TIAM2: variants seen among roughly 807,000 people sequenced by gnomAD.
TIAM2 encodes the protein rho guanine nucleotide exchange factor TIAM2.
A neutral mutation model predicts 152.9 loss-of-function variants in TIAM2; 80 were observed. The ratio of observed to expected loss-of-function variants is 0.52; its 90% CI spans 0.44 to 0.63. The LOEUF (loss-of-function observed/expected upper bound fraction) is 0.63. Ranked by LOEUF, TIAM2 falls within the 30% of genes least tolerant of loss-of-function variation. The probability of loss-of-function intolerance (pLI) is 0.00; values close to 1 mark genes in which losing one functional copy is unlikely to be tolerated. For synonymous variants in TIAM2, 804 were observed against 838.0 expected, an observed-to-expected ratio of 0.96 and a Z score of 0.70; for missense variants, 1,965 against 2,120.1, an observed-to-expected ratio of 0.93 and a Z score of 1.44.
chr6:155,149,946 G>T (rs1298927777), intron 7 of TIAM2, among the ~76,000 whole-genome samples: 1 of 151,356 alleles, frequency 6.6e-6, no homozygotes, highest in Non-Finnish European at 1.5e-5. Flanking sequence ...TTCAGCATGA[G>T]TAGGAAAAAA....
At chr6:155,028,830 T>A (rs1322807210) in intron 1 of TIAM2, among the ~76,000 whole-genome samples, 1 of 128,130 alleles carries the variant, frequency 7.8e-6, no homozygotes, top group South Asian at 2.3e-4. Flanking sequence ...TATACTGTGT[T>A]ATATATATAC....
At chr6:155,009,940 C>T (rs1459693409) in intron 1 of TIAM2, among the ~76,000 whole-genome samples, 4 of 152,198 alleles carry the variant, frequency 2.6e-5, no homozygotes, top group South Asian at 2.1e-4. Context: ...GCAACCTCCA[C>T]CTCCTGGGTT....
chr6:155,022,461 TG>T (rs1295387468), intron 1 of TIAM2: 2 of 152,122 alleles, frequency 1.3e-5, no homozygotes, highest in African/African-American at 4.8e-5. Context: ...CACCATGCCC[TG>T]CTAATTTTTT....
At chr6:155,191,669 G>A (rs992635072) in intron 14 of TIAM2, among the ~76,000 whole-genome samples, 2 of 152,052 alleles carry the variant, frequency 1.3e-5, no homozygotes, top group Non-Finnish European at 1.5e-5. Flanking sequence ...GCGCACACCT[G>A]TAGTTCAAGC....
chr6:155,215,741 T>G (rs920558556), intron 15 of TIAM2, among the ~76,000 whole-genome samples: 3 of 151,784 alleles, frequency 2.0e-5, no homozygotes, highest in African/African-American at 7.3e-5. Context: ...TTTTTTTTTT[T>G]TTGGAAACAT....
chr6:155,234,414 A>G (rs535470683), intron 15 of TIAM2, among the ~76,000 whole-genome samples: 112 of 152,338 alleles, frequency 7.4e-4, no homozygotes, highest in African/African-American at 2.6e-3. Flanking sequence ...GACCACAGGC[A>G]TGTGCCACCA....
In TIAM2 at chr6:155,257,181, T is replaced by A; in HGVS notation, c.*60T>A. 2 of 1,109,090 alleles carry A rather than the reference T, an allele frequency of 1.8e-6. No individual in the cohort carries two copies. The highest frequency in any genetic ancestry group is 2.4e-6 in the Non-Finnish European group (2 of 831,486). The allele number at this position is 1,109,090 out of a possible 1,614,324, so 68.7% of individuals were successfully genotyped here. ...TTTTACTTTTAAACTGGTGGTAAAG[T>A]GGAAATTGCAAAAAAAAAAAAAAAA... On this transcript the variant is annotated 3_prime_UTR_variant, in exon 27 of 27. Transcript: ENST00000682666.
Position 155,256,837 on chromosome 6 carries a change from G to A in TIAM2, c.4822G>A (p.Glu1608Lys). 6.2e-7 allele frequency: 1 copy of A among 1,614,228 alleles called. No homozygotes were observed. The highest frequency in any genetic ancestry group is 2.2e-5 in the East Asian group (1 of 44,886). Reference sequence around the variant, plus strand: ...GGACCCAGACGTTCACCCCGAGGCTGAGCAGCAGCCTGGCCCGGAGTCGGG... The same window carrying A: ...GGACCCAGACGTTCACCCCGAGGCTAAGCAGCAGCCTGGCCCGGAGTCGGG... The part of the protein sequence containing the change: ...SEDPDVHPEA[E>K]QQPGPESGEG... Residue 1608 changes from glutamate to lysine, a missense_variant, in exon 27 of 27, where the codon GAG (glutamate) becomes AAG (lysine). Transcript: ENST00000682666.
At chr6:155,173,372 G>A (rs1205051027) in intron 9 of TIAM2, among the ~76,000 whole-genome samples, 1 of 152,000 alleles carries the variant, frequency 6.6e-6, no homozygotes, top group East Asian at 1.9e-4. Flanking sequence ...CCATTGCTCA[G>A]AGCAGTTGTA....
At chr6:155,205,972 T>G (rs906509636) in intron 14 of TIAM2, among the ~76,000 whole-genome samples, 4 of 152,236 alleles carry the variant, frequency 2.6e-5, no homozygotes, top group Non-Finnish European at 5.9e-5. Context: ...TTCCTGATAT[T>G]TCTGTTTTTA....
rs538483716 is a variant in TIAM2, at chr6:155,146,805, A to T, written c.1804-1305A>T. Reference sequence around the variant, plus strand: ...TTTTTTTTTTTGTATTTTTAGTAGAAACTGTGTTTCACTATGTTGGCCAGG... The same window carrying T: ...TTTTTTTTTTTGTATTTTTAGTAGATACTGTGTTTCACTATGTTGGCCAGG... On this transcript the variant is annotated intron_variant, in intron 6 of 26. Coordinates refer to ENST00000682666, the MANE Select transcript of TIAM2 (RefSeq NM_012454.4). Among the ~76,000 whole-genome samples the T allele has an allele frequency of 1.2e-3, 181 of 145,642 alleles. 1 individual carries two copies. The highest frequency in any genetic ancestry group is 4.5e-3 in the African/African-American group (176 of 38,898).
At chr6:155,188,295 C>T (rs1312858228) in intron 14 of TIAM2, among the ~76,000 whole-genome samples, 2 of 152,210 alleles carry the variant, frequency 1.3e-5, no homozygotes, top group East Asian at 3.8e-4. Context: ...AAGCAAAGAA[C>T]TTCCAGCATT....
chr6:155,069,656 A>G lies in TIAM2; in HGVS notation c.-208-20633A>G, dbSNP rs545952621. On this transcript the variant is annotated intron_variant, in intron 1 of 26. Coordinates refer to ENST00000682666, the MANE Select transcript of TIAM2 (RefSeq NM_012454.4). ...GATCATTGTATACAGTAATTTTAGT[A>G]TAGTATCTAACATTACACTAGTATT... Among the ~76,000 whole-genome samples the G allele has an allele frequency of 1.3e-3, 198 of 152,346 alleles. 1 individual carries two copies. Among genetic ancestry groups the G allele is most frequent in the Non-Finnish European group, 1.5e-3 (104 of 68,034 alleles).
Position 155,074,011 on chromosome 6 carries a change from C to T in TIAM2, c.-208-16278C>T, listed in dbSNP as rs117463053. ...CCAGAGCAACTTGTTGGGAACTCAA[C>T]GCTTGAGCCAAGATACTGATTTGTG... On this transcript the variant is annotated intron_variant, in intron 1 of 26. Transcript: ENST00000682666. 8.3e-3 allele frequency among the ~76,000 whole-genome samples: 1,265 copies of T among 152,278 alleles called. 44 individuals carry two copies. The highest frequency in any genetic ancestry group is 3.3e-3 in the African/African-American group (136 of 41,564).
intron 3 of TIAM2, among the ~76,000 whole-genome samples, chr6:155,127,909 G>T (rs1178461288): frequency 1.3e-5 from 2 of 152,248 alleles, no homozygotes; most frequent in Non-Finnish European, 2.9e-5. Flanking sequence ...GCATGTGCCT[G>T]TAGTTCCAGC....
intron 15 of TIAM2, among the ~76,000 whole-genome samples, chr6:155,239,904 T>TTACCATCTTCATC (rs572658631): frequency 0.011 from 1,678 of 152,324 alleles, 15 homozygotes; most frequent in Middle Eastern, 0.024. Context: ...GGTGAGGGTG[T>TTACCATCTTCATC]TACCATCTTC....
intron 14 of TIAM2, among the ~76,000 whole-genome samples, chr6:155,202,356 T>G (rs758338936): frequency 2.0e-5 from 3 of 152,186 alleles, no homozygotes; most frequent in Non-Finnish European, 4.4e-5. Flanking sequence ...GAGTAAAATT[T>G]TGGACAATCT....
intron 15 of TIAM2, among the ~76,000 whole-genome samples, chr6:155,224,586 A>C (rs1782175568): frequency 6.6e-6 from 1 of 152,038 alleles, no homozygotes; most frequent in African/African-American, 2.4e-5. Context: ...GAAGGAGGAG[A>C]ATGGAGGTTT....
At chr6:155,179,531 T>C in intron 12 of TIAM2, 75 bp downstream of exon 12, 1 of 1,392,656 alleles carries the variant, frequency 7.2e-7, no homozygotes, top group Non-Finnish European at 9.7e-7. Flanking sequence ...ATCTTTGGAC[T>C]TAATTTTTTC....
Sources: gnomAD v4.1 joint callset for allele counts (sites outside exome capture counted in the v4.1 genomes callset) on GRCh38, gnomAD v4.1.1 for gene constraint, MANE v1.5 for transcripts, NCBI Gene and HGNC (gene_info 2026-07-23, HGNC 2026-07-21) for gene names.